MDM2: variants seen among roughly 807,000 people sequenced by gnomAD.
The protein encoded by MDM2 is E3 ubiquitin-protein ligase Mdm2.
In MDM2, 11 loss-of-function variants were observed where a neutral mutation model predicts 64.3. The observed-to-expected ratio is 0.17, with a 90% CI of 0.11 to 0.28. The LOEUF (loss-of-function observed/expected upper bound fraction) is 0.28, where lower values mean the gene tolerates loss of function less well. Ranked by LOEUF, MDM2 falls within the 10% of genes least tolerant of loss-of-function variation. MDM2 has a pLI of 1.00. For synonymous variants in MDM2, 194 were observed against 192.9 expected (o/e 1.01, Z -0.05); for missense variants, 388 against 577.1 (o/e 0.67, Z 3.36).
downstream of MDM2, chr12:68,847,196 T>TTATATATATTTATATATA (rs1884366697): frequency 1.1e-5 from 1 of 92,080 alleles, no homozygotes; most frequent in African/African-American, 5.9e-5. Flanking sequence ...TGTGTGTACA[T>TTATATATATTTATATATA]TATATATATA....
At chr12:68,812,282 TATTG>T (rs372978490) in intron 2 of MDM2, among the ~76,000 whole-genome samples, 289 of 152,354 alleles carry the variant, frequency 1.9e-3, no homozygotes, top group African/African-American at 6.9e-3. Flanking sequence ...ATATTTGTTT[TATTG>T]ATTAGCTGGA....
chr12:68,850,155 T>C (rs543472269), downstream of MDM2: 3 of 152,232 alleles, frequency 2.0e-5, no homozygotes, highest in African/African-American at 7.2e-5. Context: ...CGTCATGGCA[T>C]GTGCCTGTTA....
rs1464070560 is a variant in MDM2, at chr12:68,808,418, C to A, written c.-60C>A. On this transcript the variant is annotated 5_prime_UTR_variant, in exon 1 of 11. Coordinates refer to ENST00000258149, the MANE Select transcript of MDM2 (RefSeq NM_002392.6). Reference sequence around the variant, plus strand: ...GCCCAGGGCGTCGTGCTTCCGCGCGCCCCGTGAAGGAAACTGGGGAGTCTT... The same window carrying A: ...GCCCAGGGCGTCGTGCTTCCGCGCGACCCGTGAAGGAAACTGGGGAGTCTT... 1 of 1,612,664 alleles carries A rather than the reference C, an allele frequency of 6.2e-7. No individual in the cohort carries two copies. Among genetic ancestry groups the A allele is most frequent in the Non-Finnish European group, 8.5e-7 (1 of 1,179,194 alleles).
At chr12:68,848,575 T>C (rs998509915), downstream of MDM2, 2 of 152,240 alleles carry the variant, frequency 1.3e-5, no homozygotes, top group Non-Finnish European at 2.9e-5. Flanking sequence ...GGTGTCAGAA[T>C]TGTAAGAGAG....
At chr12:68,825,535 C>T (rs1882241241) in intron 7 of MDM2, among the ~76,000 whole-genome samples, 1 of 152,096 alleles carries the variant, frequency 6.6e-6, no homozygotes, top group South Asian at 2.1e-4. Flanking sequence ...TGCCTGTAGT[C>T]CCAGCTACTC....
At position 68,839,419 on chromosome 12, in the gene MDM2, A is replaced by T; in HGVS notation, c.1064A>T (p.Asn355Ile). Reference protein sequence around the residue: ...GEISEKAKLENSTQAEEGFDV... With the variant: ...GEISEKAKLEISTQAEEGFDV... ...ATCTCTGAGAAAGCCAAACTGGAAAACTCAACACAAGCTGAAGAGGGCTTT... is the reference window on the plus strand; with the variant it reads ...ATCTCTGAGAAAGCCAAACTGGAAATCTCAACACAAGCTGAAGAGGGCTTT... Residue 355 changes from asparagine to isoleucine, a missense_variant, in exon 11 of 11, where the codon AAC becomes ATC. By Grantham distance (149) the Asn-to-Ile change is moderately radical. Coordinates refer to ENST00000258149, the MANE Select transcript of MDM2 (RefSeq NM_002392.6). 6.2e-7 allele frequency: 1 copy of T among 1,613,726 alleles called. No individual in the cohort carries two copies. Among genetic ancestry groups the T allele is most frequent in the Non-Finnish European group, 8.5e-7 (1 of 1,179,976 alleles).
intron 5 of MDM2, among the ~76,000 whole-genome samples, chr12:68,821,300 C>T (rs1841578993): frequency 6.6e-6 from 1 of 152,038 alleles, no homozygotes; most frequent in Non-Finnish European, 1.5e-5. Flanking sequence ...CCTGCCTCGG[C>T]CTTCCAAAGT....
chr12:68,836,584 T>G, intron 9 of MDM2, 88 bp from the exon 10 acceptor site: 7 of 883,192 alleles, frequency 7.9e-6, no homozygotes, highest in Non-Finnish European at 1.4e-5. Context: ...TTGTAGTACA[T>G]GATATTTGTT....
In MDM2 at chr12:68,843,379, G is replaced by T. The variant is rs1233529119; in HGVS notation, c.*3530G>T. 1 of 230,868 alleles carries T rather than the reference G, an allele frequency of 4.3e-6. No individual in the cohort carries two copies. The highest frequency in any genetic ancestry group is 8.6e-6 in the Non-Finnish European group (1 of 116,716). The allele number at this position is 230,868 out of a possible 1,614,324, so 14.3% of individuals were successfully genotyped here. A position where few individuals can be genotyped will look rare whatever the true frequency, so the allele number is the denominator to read the frequency against. ...ACAAATAAATGATATTTGAGCTGAT[G>T]GGTGTGCTAATTACACTGATTTGAT... On this transcript the variant is annotated 3_prime_UTR_variant, in exon 11 of 11. Coordinates refer to ENST00000258149, the MANE Select transcript of MDM2 (RefSeq NM_002392.6).
At chr12:68,812,769 G>C (rs993127572) in intron 2 of MDM2, among the ~76,000 whole-genome samples, 1 of 152,074 alleles carries the variant, frequency 6.6e-6, no homozygotes, top group East Asian at 1.9e-4. Context: ...CTTTCTGTAA[G>C]GAAAATTTTA....
At chr12:68,835,032 GTATC>G (rs1883193857) in intron 8 of MDM2, among the ~76,000 whole-genome samples, 1 of 151,828 alleles carries the variant, frequency 6.6e-6, no homozygotes, top group Admixed American at 6.6e-5. Context: ...AAAAACATAA[GTATC>G]TATGACTCGA....
At chr12:68,848,168 TCTCA>T (rs1438700172), downstream of MDM2, 1 of 152,228 alleles carries the variant, frequency 6.6e-6, no homozygotes, top group Non-Finnish European at 1.5e-5. Context: ...TAAACATTAA[TCTCA>T]CTGATTGTGA....
intron 4 of MDM2, among the ~76,000 whole-genome samples, chr12:68,819,399 G>A (rs966089379): frequency 6.6e-6 from 1 of 152,104 alleles, no homozygotes; most frequent in Non-Finnish European, 1.5e-5. Flanking sequence ...GTTTTCCCCC[G>A]TGTCTGGTAC....
chr12:68,826,901 G>A (rs1239789442), intron 7 of MDM2, among the ~76,000 whole-genome samples: 1 of 152,132 alleles, frequency 6.6e-6, no homozygotes, highest in Non-Finnish European at 1.5e-5. Flanking sequence ...TCCCGGCCAG[G>A]TCCAGTGGCT....
At chr12:68,820,267 A>G (rs984579661) in intron 4 of MDM2, 58 bp from the exon 5 acceptor site, 1 of 1,321,490 alleles carries the variant, frequency 7.6e-7, no homozygotes, top group African/African-American at 1.5e-5. Flanking sequence ...CCAGCTTAAT[A>G]CAAATTTTTA....
intron 1 of MDM2, 49 bp from the exon 2 acceptor site, chr12:68,809,159 A>G: frequency 6.2e-7 from 1 of 1,605,290 alleles, no homozygotes; most frequent in Non-Finnish European, 8.5e-7. Flanking sequence ...TATTTTCCAC[A>G]GATGTTTCAT....
Position 68,840,799 on chromosome 12 carries a change from G to T in MDM2, c.*950G>T. The stretch of plus-strand genomic sequence containing the variant: ...TGGGATTGCAGATGTGAGCCACCAT[G>T]TCCAGCCAAGAATTAGTATTTAAAT... On this transcript the variant is annotated 3_prime_UTR_variant, in exon 11 of 11. Coordinates refer to ENST00000258149, the MANE Select transcript of MDM2 (RefSeq NM_002392.6). 1 of 155,192 alleles carries T rather than the reference G, an allele frequency of 6.4e-6. No homozygotes were observed. Among genetic ancestry groups the T allele is most frequent in the East Asian group, 1.3e-4 (1 of 7,410 alleles). 9.6% of individuals were successfully genotyped at this position (155,192 alleles called of 1,614,324 possible). A position where few individuals can be genotyped will look rare whatever the true frequency, so the allele number is the denominator to read the frequency against.
intron 1 of MDM2, chr12:68,808,811 G>T (rs758354449): frequency 8.5e-4 from 585 of 690,660 alleles, no homozygotes; most frequent in Non-Finnish European, 9.8e-4. Context: ...CGGCGCGGGA[G>T]GTCCGGATGA....
chr12:68,809,038 G>A (rs1208671384), intron 1 of MDM2, 170 bp from the exon 2 acceptor site: 2 of 1,493,292 alleles, frequency 1.3e-6, no homozygotes, highest in African/African-American at 2.8e-5. Flanking sequence ...GCGATTGGAG[G>A]GTAGACCTGT....
Sources: allele counts gnomAD v4.1 joint callset (sites outside exome capture counted in the v4.1 genomes callset), GRCh38; gene constraint gnomAD v4.1.1; transcripts MANE v1.5; gene names NCBI Gene and HGNC (gene_info 2026-07-23, HGNC 2026-07-21).